Variants in BIRC6 observed in about 807,000 individuals in gnomAD.
BIRC6 encodes dual E2 ubiquitin-conjugating enzyme/E3 ubiquitin-protein ligase BIRC6.
In BIRC6, 98 loss-of-function variants were observed where a neutral mutation model predicts 503.3. The ratio of observed to expected loss-of-function variants is 0.19; its 90% CI spans 0.17 to 0.23. The LOEUF (loss-of-function observed/expected upper bound fraction) is 0.23. BIRC6 is among the 10% of genes least tolerant of loss of function. BIRC6 has a pLI of 1.00. For synonymous variants in BIRC6, 2,240 were observed against 2,078.7 expected (o/e 1.08, Z -2.11); for missense variants, 5,360 against 5,806.0 (o/e 0.92, Z 2.50).
intron 17 of BIRC6, 95 bp from the exon 18 acceptor site, chr2:32,441,970 G>C: frequency 3.3e-6 from 3 of 914,210 alleles, no homozygotes; most frequent in Non-Finnish European, 4.7e-6. Flanking sequence ...AGATGTTCAT[G>C]AATTAAAATT....
chr2:32,583,052 G>A (rs1361864094), intron 66 of BIRC6, among the ~76,000 whole-genome samples: 2 of 152,106 alleles, frequency 1.3e-5, no homozygotes, highest in East Asian at 3.9e-4. Context: ...TTACAGTTTG[G>A]TGCATGATAA....
At position 32,468,003 on chromosome 2, in the gene BIRC6, T is replaced by C; in HGVS notation, c.5672T>C (p.Leu1891Pro). 2 of 1,613,812 alleles carry C rather than the reference T, an allele frequency of 1.2e-6. No homozygotes were observed. Among genetic ancestry groups the C allele is most frequent in the Non-Finnish European group, 1.7e-6 (2 of 1,179,824 alleles). The change falls in exon 28 of 74, where the codon CTG becomes CCG. Residue 1891 changes from leucine to proline, a missense_variant. Coordinates refer to ENST00000421745, the MANE Select transcript of BIRC6 (RefSeq NM_016252.4). The stretch of plus-strand genomic sequence containing the variant: ...TACATCTTGCCTTGGGAAAGTGAAC[T>C]GAAGTTAATGCATGATCCTCTAAAG... ...HTYILPWESE[L>P]KLMHDPLKGE...
chr2:32,373,285 A>G (rs2036240207), intron 1 of BIRC6, among the ~76,000 whole-genome samples: 1 of 152,248 alleles, frequency 6.6e-6, no homozygotes, highest in Non-Finnish European at 1.5e-5. Context: ...AAATAGTTCA[A>G]CATAATCTTG....
In BIRC6 at chr2:32,531,210, A is replaced by G. The variant is rs545242318; in HGVS notation, c.12095-145A>G. The G allele has an allele frequency of 6.2e-5, 41 of 661,122 alleles. No individual in the cohort carries two copies. The South Asian group carries it at 8.2e-4, about 13-fold the overall frequency. 41.0% of individuals were successfully genotyped at this position (661,122 alleles called of 1,614,324 possible). ...TTAAAGGTCATTGTACCGTCTAGCCATAATACAGCTATATCTAAATAAATG... is the reference window on the plus strand; with the variant it reads ...TTAAAGGTCATTGTACCGTCTAGCCGTAATACAGCTATATCTAAATAAATG... On this transcript the variant is annotated intron_variant, in intron 60 of 73. Transcript: ENST00000421745.
Position 32,543,377 on chromosome 2 carries a change from T to C in BIRC6, c.12428T>C (p.Ile4143Thr), listed in dbSNP as rs1247818102. 1 of 1,613,994 alleles carries C rather than the reference T, an allele frequency of 6.2e-7. No homozygotes were observed. Among genetic ancestry groups the C allele is most frequent in the East Asian group, 2.2e-5 (1 of 44,874 alleles). Residue 4143 changes from isoleucine to threonine, a missense_variant, in exon 62 of 74, where the codon ATC becomes ACC. This residue lies in a region of BIRC6 where 477 missense variants were observed against 574.4 expected (regional missense o/e 0.83). Transcript: ENST00000421745. ...PETVAAEPPPIKSAVQTMSPI... is the reference protein window; with the variant it reads ...PETVAAEPPPTKSAVQTMSPI... ...ACTGTTGCGGCTGAACCTCCACCTA[T>C]CAAGTCAGCAGTACAGACCATGTCT...
intron 1 of BIRC6, among the ~76,000 whole-genome samples, chr2:32,375,239 C>T (rs919703213): frequency 1.3e-5 from 2 of 151,944 alleles, no homozygotes; most frequent in Non-Finnish European, 2.9e-5. Flanking sequence ...ATTTGTTTGC[C>T]TTTTATATCC....
At chr2:32,516,233 G>C (rs979406787) in intron 55 of BIRC6, among the ~76,000 whole-genome samples, 2 of 152,178 alleles carry the variant, frequency 1.3e-5, no homozygotes, top group African/African-American at 4.8e-5. Flanking sequence ...TGGAAGATAG[G>C]CTGGTTGTGG....
chr2:32,579,037 ATG>A (rs66744855), intron 66 of BIRC6, among the ~76,000 whole-genome samples: 1,751 of 108,116 alleles, frequency 0.016, 29 homozygotes, highest in Middle Eastern at 0.024. Context: ...TAATATATAT[ATG>A]TATACCTAAT....
At position 32,503,408 on chromosome 2, in the gene BIRC6, CTTTGTTTGTTTG is replaced by C. The variant is rs146429810; in HGVS notation, c.9499+192_9499+203del. Among the ~76,000 whole-genome samples, 118 of 151,084 alleles carry C rather than the reference CTTTGTTTGTTTG, an allele frequency of 7.8e-4. 1 individual carries two copies. The East Asian group carries it at 0.014, about 18-fold the overall frequency. ...GACATTCTACTTATGAGAGGGAATG[CTTTGTTTGTTTG>C]TTTGTTTGTTTGTTTGTTTTGAGAC... On this transcript the variant is annotated intron_variant, in intron 49 of 73. Coordinates refer to ENST00000421745, the MANE Select transcript of BIRC6 (RefSeq NM_016252.4).
intron 59 of BIRC6, 101 bp from the exon 60 acceptor site, chr2:32,529,550 A>T: frequency 1.8e-6 from 2 of 1,128,434 alleles, no homozygotes; most frequent in Non-Finnish European, 2.4e-6. Flanking sequence ...TTGGTTTCAG[A>T]ATCAAACTCT....
Position 32,414,783 on chromosome 2 carries a change from A to C in BIRC6, c.1492A>C (p.Lys498Gln). The C allele has an allele frequency of 6.2e-7, 1 of 1,612,752 alleles. No individual in the cohort carries two copies. The highest frequency in any genetic ancestry group is 8.5e-7 in the Non-Finnish European group (1 of 1,178,974). The change falls in exon 10 of 74, where the codon AAG (lysine) becomes CAG (glutamine). Residue 498 changes from lysine (K) to glutamine (Q), a missense_variant. Coordinates refer to ENST00000421745, the MANE Select transcript of BIRC6 (RefSeq NM_016252.4). ...SDSVTGHTSQ[K>Q]EAMEVSLDIT... ...CCTTTTTAAAGGGCATACATCACAG[A>C]AGGAAGCCATGGAAGTAAGCCTTGA...
intron 44 of BIRC6, among the ~76,000 whole-genome samples, chr2:32,493,235 A>C (rs2051975094): frequency 6.6e-6 from 1 of 152,058 alleles, no homozygotes; most frequent in African/African-American, 2.4e-5. Context: ...TCTAAAAAGC[A>C]TTATAAAAGT....
chr2:32,517,927 C>T (rs536065671), intron 55 of BIRC6, among the ~76,000 whole-genome samples: 10 of 152,164 alleles, frequency 6.6e-5, no homozygotes, highest in Admixed American at 1.3e-4. Context: ...AAGATAACCA[C>T]ACCAATATTG....
chr2:32,431,946 AAAAG>A (rs2044170117), intron 12 of BIRC6, among the ~76,000 whole-genome samples: 2 of 152,380 alleles, frequency 1.3e-5, no homozygotes, highest in South Asian at 4.1e-4. Context: ...GAGTGAGAGA[AAAAG>A]AGAGACAATG....
Position 32,392,159 on chromosome 2 carries a change from A to G in BIRC6, c.951+9A>G, listed in dbSNP as rs1406464536. 2.6e-6 allele frequency: 4 copies of G among 1,529,766 alleles called. No individual in the cohort carries two copies. The highest frequency in any genetic ancestry group is 3.6e-6 in the Non-Finnish European group (4 of 1,126,592). 94.8% of individuals were successfully genotyped at this position (1,529,766 alleles called of 1,614,324 possible). A position where few individuals can be genotyped will look rare whatever the true frequency, so the allele number is the denominator to read the frequency against. ...CTGGATTTTATCATCAGGTAAAAAA[A>G]GAATATAAAAAAATACTTTTCTCAG... On this transcript the variant is annotated intron_variant, in intron 5 of 73. Transcript: ENST00000421745.
intron 39 of BIRC6, among the ~76,000 whole-genome samples, chr2:32,485,069 GC>G (rs1281207821): frequency 6.6e-6 from 1 of 152,214 alleles, no homozygotes; most frequent in Non-Finnish European, 1.5e-5. Flanking sequence ...TCTTAAAGGA[GC>G]ATGGTATTTC....
At chr2:32,454,141 C>T (rs767374344) in intron 23 of BIRC6, among the ~76,000 whole-genome samples, 199 bp downstream of exon 23, 11 of 152,000 alleles carry the variant, frequency 7.2e-5, no homozygotes, top group Admixed American at 3.3e-4. Flanking sequence ...TATTTTTCCC[C>T]CTGTACCCAC....
chr2:32,534,005 A>G (rs578083709), intron 61 of BIRC6, among the ~76,000 whole-genome samples: 1 of 152,242 alleles, frequency 6.6e-6, no homozygotes, highest in African/African-American at 2.4e-5. Context: ...GCTATATGGG[A>G]TGGGTTGAGA....
chr2:32,408,125 A>G (rs1168682273), intron 9 of BIRC6, among the ~76,000 whole-genome samples: 1 of 151,928 alleles, frequency 6.6e-6, no homozygotes, highest in Non-Finnish European at 1.5e-5. Context: ...CTGCCACCAC[A>G]CCTGACTAAT....
Sources: gnomAD v4.1 joint callset for allele counts (sites outside exome capture counted in the v4.1 genomes callset) on GRCh38, gnomAD v4.1.1 for gene constraint, gnomAD v4.1.1 regional missense constraint, MANE v1.5 for transcripts, NCBI Gene and HGNC (gene_info 2026-07-23, HGNC 2026-07-21) for gene names.